Variants in SCHIP1 observed in about 807,000 individuals in gnomAD.
SCHIP1 encodes the protein schwannomin interacting protein 1, also known as schwannomin-interacting protein 1.
SCHIP1 carries 8 observed loss-of-function variants against 29.7 expected under a neutral mutation model. The ratio of observed to expected loss-of-function variants is 0.27; its 90% CI spans 0.16 to 0.49. The LOEUF (loss-of-function observed/expected upper bound fraction) is 0.49. SCHIP1 is among the 20% of genes least tolerant of loss of function. The pLI, the probability that SCHIP1 is intolerant of heterozygous loss-of-function variation, is 0.99. For missense variants in SCHIP1, 193 were observed against 294.6 expected, an observed-to-expected ratio of 0.66 and a Z score of 2.52; for synonymous variants, 76 against 94.9, an observed-to-expected ratio of 0.80 and a Z score of 1.16.
the SCHIP1 span, among the ~76,000 whole-genome samples, chr3:159,770,897 A>G: frequency 6.6e-6 from 1 of 152,196 alleles, no homozygotes; most frequent in Admixed American, 6.5e-5. Context: ...ATCATTTTTA[A>G]ATTAGAGAAG....
chr3:159,342,929 AACTT>A, the SCHIP1 span, among the ~76,000 whole-genome samples: 1 of 152,232 alleles, frequency 6.6e-6, no homozygotes, highest in Non-Finnish European at 1.5e-5. Flanking sequence ...ACTAAAAACT[AACTT>A]AAATGAAATA....
the SCHIP1 span, among the ~76,000 whole-genome samples, chr3:159,704,125 T>A: frequency 6.6e-6 from 1 of 152,082 alleles, no homozygotes; most frequent in African/African-American, 2.4e-5. Context: ...AATGAACACA[T>A]GAATATATCC....
chr3:159,533,490 C>A, the SCHIP1 span, among the ~76,000 whole-genome samples: 3 of 152,058 alleles, frequency 2.0e-5, no homozygotes, highest in African/African-American at 7.2e-5. Context: ...GTTTTTTTCT[C>A]ACAGCAACCA....
At chr3:159,846,361 G>A (rs1282125882) in intron 1 of SCHIP1, among the ~76,000 whole-genome samples, 5 of 152,154 alleles carry the variant, frequency 3.3e-5, no homozygotes, top group Admixed American at 3.3e-4. Flanking sequence ...AGTATATCAT[G>A]ATATTCTTAA....
chr3:159,690,794 T>C, the SCHIP1 span, among the ~76,000 whole-genome samples: 1 of 152,254 alleles, frequency 6.6e-6, no homozygotes, highest in African/African-American at 2.4e-5. Flanking sequence ...TGGTGTGTTG[T>C]GTCTTTGTTC....
chr3:159,735,361 C>T, the SCHIP1 span, among the ~76,000 whole-genome samples: 2 of 151,904 alleles, frequency 1.3e-5, no homozygotes, highest in South Asian at 2.1e-4. Context: ...TCCCAAATAG[C>T]TGGGATTACA....
chr3:159,628,755 C>T, the SCHIP1 span, among the ~76,000 whole-genome samples: 1 of 151,880 alleles, frequency 6.6e-6, no homozygotes, highest in Non-Finnish European at 1.5e-5. Flanking sequence ...GTCAATAAAA[C>T]AATATAAAAA....
the SCHIP1 span, among the ~76,000 whole-genome samples, chr3:159,798,380 T>C: frequency 6.6e-6 from 1 of 152,224 alleles, no homozygotes; most frequent in Non-Finnish European, 1.5e-5. Flanking sequence ...TAAATGGCAA[T>C]GTGTGTACCT....
chr3:159,307,451 A>G, the SCHIP1 span, among the ~76,000 whole-genome samples: 1 of 152,206 alleles, frequency 6.6e-6, no homozygotes, highest in East Asian at 1.9e-4. Context: ...GCATAGGAGC[A>G]AGGGCTGGTA....
the SCHIP1 span, among the ~76,000 whole-genome samples, chr3:159,697,000 C>T: frequency 6.6e-6 from 1 of 152,070 alleles, no homozygotes; most frequent in African/African-American, 2.4e-5. Flanking sequence ...TTTGTTTATC[C>T]CTAAAGCAAT....
At chr3:159,742,535 G>T in the SCHIP1 span, among the ~76,000 whole-genome samples, 1 of 152,316 alleles carries the variant, frequency 6.6e-6, no homozygotes, top group South Asian at 2.1e-4. Flanking sequence ...GTATACAGAA[G>T]CAAGTCCTTT....
At chr3:159,575,061 G>C in the SCHIP1 span, among the ~76,000 whole-genome samples, 1 of 152,188 alleles carries the variant, frequency 6.6e-6, no homozygotes, top group Non-Finnish European at 1.5e-5. Context: ...GTGCTTCCAG[G>C]GTGAGGTGAT....
chr3:159,461,980 TG>T, the SCHIP1 span, among the ~76,000 whole-genome samples: 1 of 151,940 alleles, frequency 6.6e-6, no homozygotes, highest in Non-Finnish European at 1.5e-5. Flanking sequence ...AAGGCCGAGG[TG>T]GGCGGATCAC....
chr3:159,543,989 A>G, the SCHIP1 span, among the ~76,000 whole-genome samples: 1 of 152,134 alleles, frequency 6.6e-6, no homozygotes, highest in Non-Finnish European at 1.5e-5. Context: ...GAACACAACC[A>G]TGCAACCACC....
chr3:159,290,129 A>C, the SCHIP1 span, among the ~76,000 whole-genome samples: 40 of 152,206 alleles, frequency 2.6e-4, no homozygotes, highest in Non-Finnish European at 5.1e-4. Flanking sequence ...TTTCCATCGA[A>C]GACAACTAAA....
chr3:159,786,017 G>A, the SCHIP1 span, among the ~76,000 whole-genome samples: 112,584 of 152,154 alleles, frequency 0.74, 42,425 homozygotes, highest in East Asian at 0.99. Context: ...AAAATATGCA[G>A]TTGATATTTT....
chr3:159,890,801 A>C (rs1479166448), intron 5 of SCHIP1, among the ~76,000 whole-genome samples: 1 of 152,072 alleles, frequency 6.6e-6, no homozygotes, highest in Non-Finnish European at 1.5e-5. Flanking sequence ...CTTTTTAAAA[A>C]TGGAAACTAG....
the SCHIP1 span, among the ~76,000 whole-genome samples, chr3:159,730,026 T>G: frequency 3.9e-5 from 6 of 152,238 alleles, no homozygotes; most frequent in Middle Eastern, 9.5e-3. Context: ...ACTATATCTA[T>G]CCATATGAAA....
At chr3:159,521,629 A>C in the SCHIP1 span, among the ~76,000 whole-genome samples, 1 of 152,244 alleles carries the variant, frequency 6.6e-6, no homozygotes, top group Non-Finnish European at 1.5e-5. Flanking sequence ...GAATACTCCA[A>C]GTACTGCTTC....
Sources: gnomAD v4.1 joint callset for allele counts (sites outside exome capture counted in the v4.1 genomes callset) on GRCh38, gnomAD v4.1.1 for gene constraint, MANE v1.5 for transcripts, NCBI Gene and HGNC (gene_info 2026-07-23, HGNC 2026-07-21) for gene names.